The following ADCY8 variants were observed in gnomAD, a reference collection of about 807,000 sequenced individuals.
The protein encoded by ADCY8 is adenylate cyclase 8, also known as adenylate cyclase type 8.
ADCY8 carries 51 observed loss-of-function variants against 119.7 expected under a neutral mutation model. The ratio of observed to expected loss-of-function variants is 0.43; its 90% CI spans 0.34 to 0.54. The LOEUF (loss-of-function observed/expected upper bound fraction) is 0.54, where lower values mean the gene tolerates loss of function less well. ADCY8 is among the 20% of genes least tolerant of loss of function. ADCY8 has a pLI of 0.03. For missense variants in ADCY8, 1,383 were observed against 1,598.8 expected (o/e 0.87, Z 2.30); for synonymous variants, 665 against 651.0 (o/e 1.02, Z -0.33).
rs373322573 is a variant in ADCY8 at position 130,909,728 on chromosome 8, G to C, written c.1620C>G (p.Leu540=). The stretch of plus-strand genomic sequence containing the variant: ...CTTACCCAGGGATTCCTCCAGATTC[G>C]AGTTTGTTTGCAATATCCACATCCC... ...WSWDVDIANK[L]ESGGIPGRIH... is the part of the protein sequence containing the mutation. The change falls in exon 6 of 18, where the codon CTC becomes CTG. Residue 540 remains leucine, a synonymous_variant. Coordinates refer to ENST00000286355, the MANE Select transcript of ADCY8 (RefSeq NM_001115.3). The C allele has an allele frequency of 6.2e-7, 1 of 1,613,862 alleles. No homozygotes were observed. Among genetic ancestry groups the C allele is most frequent in the Admixed American group, 1.7e-5 (1 of 59,970 alleles).
At chr8:130,785,748 T>C (rs1815231066) in intron 15 of ADCY8, among the ~76,000 whole-genome samples, 1 of 152,244 alleles carries the variant, frequency 6.6e-6, no homozygotes, top group African/African-American at 2.4e-5. Flanking sequence ...GTCCCTGCTC[T>C]GTGCCAAACC....
At chr8:130,870,198 G>A (rs1317083929) in intron 8 of ADCY8, among the ~76,000 whole-genome samples, 1 of 151,764 alleles carries the variant, frequency 6.6e-6, no homozygotes, top group Non-Finnish European at 1.5e-5. Flanking sequence ...ATTTTTAGTA[G>A]AGATGGGGTT....
intron 1 of ADCY8, among the ~76,000 whole-genome samples, chr8:131,004,841 C>T (rs1364263926): frequency 6.6e-6 from 1 of 152,170 alleles, no homozygotes; most frequent in African/African-American, 2.4e-5. Flanking sequence ...TTCTCATGGA[C>T]ACTCACAGGG....
chr8:130,933,879 G>T (rs1175867875), intron 5 of ADCY8, among the ~76,000 whole-genome samples: 2 of 152,194 alleles, frequency 1.3e-5, no homozygotes, highest in Admixed American at 6.5e-5. Flanking sequence ...AGAAAGTTTT[G>T]CTGCTTAAAC....
At chr8:130,891,699 A>G (rs1819194166) in intron 7 of ADCY8, among the ~76,000 whole-genome samples, 1 of 152,048 alleles carries the variant, frequency 6.6e-6, no homozygotes, top group Admixed American at 6.6e-5. Context: ...GAGATGAAAT[A>G]TTTTCCTAGT....
intron 2 of ADCY8, among the ~76,000 whole-genome samples, chr8:130,952,821 A>C (rs1202085262): frequency 1.3e-5 from 2 of 152,182 alleles, no homozygotes; most frequent in Admixed American, 1.3e-4. Context: ...GGGTGTGCCC[A>C]CCATGATAGC....
intron 2 of ADCY8, among the ~76,000 whole-genome samples, chr8:130,989,229 G>C (rs1485156062): frequency 2.0e-5 from 3 of 152,176 alleles, no homozygotes; most frequent in Non-Finnish European, 4.4e-5. Flanking sequence ...TGAAAACTCA[G>C]TAGTTTCCTC....
chr8:130,960,167 A>G (rs1308166817), intron 2 of ADCY8, among the ~76,000 whole-genome samples: 1 of 152,132 alleles, frequency 6.6e-6, no homozygotes, highest in Non-Finnish European at 1.5e-5. Context: ...AGGAATTGGG[A>G]CTGTGAAAGA....
chr8:130,847,736 T>TAC lies in ADCY8; in HGVS notation c.2413-224_2413-223insGT, dbSNP rs530227213. Reference sequence around the variant, plus strand: ...AACAAGTGCTTGCTCAGAAAGACCTTTTGTAAGCCAGTCATGAAACTAAGT... The same window carrying TAC: ...AACAAGTGCTTGCTCAGAAAGACCTTACTTGTAAGCCAGTCATGAAACTAAGT... On this transcript the variant is annotated intron_variant, in intron 10 of 17. Transcript: ENST00000286355. Among the ~76,000 whole-genome samples the TAC allele has an allele frequency of 9.5e-4, 144 of 152,222 alleles. 1 individual carries two copies. The highest frequency in any genetic ancestry group is 5.6e-3 in the Admixed American group (86 of 15,290).
intron 1 of ADCY8, among the ~76,000 whole-genome samples, chr8:131,009,028 A>T (rs1006529586): frequency 2.6e-5 from 4 of 152,206 alleles, no homozygotes; most frequent in Non-Finnish European, 5.9e-5. Context: ...AGAGCATAAA[A>T]GTTCACAAAA....
chr8:131,039,315 T>C, intron 1 of ADCY8, 59 bp downstream of exon 1: 2 of 1,583,828 alleles, frequency 1.3e-6, no homozygotes, highest in Admixed American at 1.7e-5. Context: ...CTGGAAGCTA[T>C]ATGATCAATA....
In ADCY8 at chr8:130,846,765, CCCTTCCTTCCTTCT is replaced by C. The variant is rs1209859858; in HGVS notation, c.2502+645_2502+658del. ...CCTTCCTACCTTCTGTCCTTCCTTC[CCCTTCCTTCCTTCT>C]CCTTCCTTCCTTCTCCTTCCTTCCT... On this transcript the variant is annotated intron_variant, in intron 11 of 17. Transcript: ENST00000286355. 3.4e-3 allele frequency among the ~76,000 whole-genome samples: 414 copies of C among 120,020 alleles called. 11 individuals carry two copies. The highest frequency in any genetic ancestry group is 0.013 in the African/African-American group (372 of 28,584). The allele number at this position is 120,020 out of a possible 152,430, so 78.7% of individuals were successfully genotyped here.
At chr8:130,936,094 T>A (rs1383641011) in intron 5 of ADCY8, among the ~76,000 whole-genome samples, 1 of 116,428 alleles carries the variant, frequency 8.6e-6, no homozygotes, top group Non-Finnish European at 2.1e-5. Context: ...TGTGTGTGTG[T>A]GTGTGTGTGT....
chr8:130,853,830 A>G (rs779136283), intron 9 of ADCY8, among the ~76,000 whole-genome samples: 6 of 152,180 alleles, frequency 3.9e-5, no homozygotes, highest in Non-Finnish European at 5.9e-5. Flanking sequence ...CTGAAGCATA[A>G]CTAGTAGTGT....
intron 3 of ADCY8, among the ~76,000 whole-genome samples, chr8:130,946,325 C>T (rs1821104485): frequency 1.3e-5 from 2 of 152,162 alleles, no homozygotes; most frequent in Non-Finnish European, 1.5e-5. Flanking sequence ...TTTCAGATGT[C>T]TTCAGTGTTC....
At chr8:130,914,868 T>C (rs1455670933) in intron 5 of ADCY8, among the ~76,000 whole-genome samples, 2 of 152,148 alleles carry the variant, frequency 1.3e-5, no homozygotes, top group Non-Finnish European at 2.9e-5. Context: ...CCCACTTAGC[T>C]CAAAGCTCAG....
intron 2 of ADCY8, among the ~76,000 whole-genome samples, chr8:130,974,805 T>A (rs960694734): frequency 1.3e-5 from 2 of 152,194 alleles, no homozygotes; most frequent in Non-Finnish European, 2.9e-5. Flanking sequence ...AGGAGAGCAT[T>A]CTTAGCTACT....
intron 4 of ADCY8, among the ~76,000 whole-genome samples, chr8:130,938,942 A>T (rs906263908): frequency 6.6e-6 from 1 of 152,220 alleles, no homozygotes; most frequent in Non-Finnish European, 1.5e-5. Context: ...TAAGGCCTTC[A>T]GTTGTTTCTT....
At chr8:130,826,175 C>T (rs1232782190) in intron 12 of ADCY8, among the ~76,000 whole-genome samples, 1 of 152,176 alleles carries the variant, frequency 6.6e-6, no homozygotes, top group East Asian at 1.9e-4. Context: ...TAAAAGAAGA[C>T]TGAATCTTCC....
Sources: allele counts gnomAD v4.1 joint callset (sites outside exome capture counted in the v4.1 genomes callset), GRCh38; gene constraint gnomAD v4.1.1; transcripts MANE v1.5; gene names NCBI Gene and HGNC (gene_info 2026-07-23, HGNC 2026-07-21).